EXOC4: variants seen among roughly 807,000 people sequenced by gnomAD.
EXOC4 encodes SEC8-like 1.
A neutral mutation model predicts 107.2 loss-of-function variants in EXOC4; 71 were observed. The observed-to-expected ratio is 0.66, with a 90% CI of 0.55 to 0.81. The LOEUF (loss-of-function observed/expected upper bound fraction) is 0.81, where lower values mean the gene tolerates loss of function less well. Ranked by LOEUF, EXOC4 falls within the 30% of genes least tolerant of loss-of-function variation. The pLI is 0.00. For synonymous variants in EXOC4, 456 were observed against 441.2 expected (o/e 1.03, Z -0.42); for missense variants, 1,108 against 1,189.6 (o/e 0.93, Z 1.01).
intron 10 of EXOC4, among the ~76,000 whole-genome samples, chr7:133,673,976 A>C (rs1300508339): frequency 1.3e-5 from 2 of 152,186 alleles, no homozygotes; most frequent in African/African-American, 4.8e-5. Flanking sequence ...AGCAGATGCT[A>C]GGGTTGTATG....
intron 10 of EXOC4, among the ~76,000 whole-genome samples, chr7:133,665,297 C>G (rs1793787346): frequency 1.3e-5 from 2 of 152,104 alleles, no homozygotes; most frequent in Non-Finnish European, 2.9e-5. Context: ...GATCAGTTAA[C>G]TTTTCCTATT....
chr7:133,573,136 G>T (rs1228156827), intron 9 of EXOC4, among the ~76,000 whole-genome samples: 1 of 152,156 alleles, frequency 6.6e-6, no homozygotes. Context: ...GTTAGATCTT[G>T]TGTATAGTTA....
At chr7:134,010,757 A>G (rs1794745039) in intron 17 of EXOC4, among the ~76,000 whole-genome samples, 1 of 152,208 alleles carries the variant, frequency 6.6e-6, no homozygotes, top group East Asian at 1.9e-4. Flanking sequence ...CTTATTTAAC[A>G]AGAAGTTGCA....
At chr7:133,361,277 A>T (rs1796130366) in intron 6 of EXOC4, among the ~76,000 whole-genome samples, 1 of 152,022 alleles carries the variant, frequency 6.6e-6, no homozygotes, top group Admixed American at 6.6e-5. Context: ...CTCTGTATTG[A>T]TTAAATTTTT....
intron 7 of EXOC4, among the ~76,000 whole-genome samples, chr7:133,455,578 T>C (rs1314567087): frequency 1.3e-5 from 2 of 152,222 alleles, no homozygotes; most frequent in Non-Finnish European, 2.9e-5. Flanking sequence ...AACCTGTTTA[T>C]TATAGAGAGT....
chr7:133,655,458 A>G (rs1349795538), intron 10 of EXOC4, among the ~76,000 whole-genome samples: 1 of 152,220 alleles, frequency 6.6e-6, no homozygotes. Context: ...TGATTCTTTC[A>G]TAATGACATT....
chr7:133,385,768 C>T (rs1344748142), intron 7 of EXOC4, among the ~76,000 whole-genome samples: 1 of 152,138 alleles, frequency 6.6e-6, no homozygotes, highest in Non-Finnish European at 1.5e-5. Flanking sequence ...CTTTCTTTTG[C>T]AATTTTTAAG....
At chr7:134,075,934 T>C in the EXOC4 span, among the ~76,000 whole-genome samples, 1 of 152,098 alleles carries the variant, frequency 6.6e-6, no homozygotes, top group Non-Finnish European at 1.5e-5. Flanking sequence ...AGTGGACATA[T>C]GAGGTAAGTA....
chr7:134,085,171 T>A, the EXOC4 span, among the ~76,000 whole-genome samples: 1 of 152,160 alleles, frequency 6.6e-6, no homozygotes, highest in African/African-American at 2.4e-5. Flanking sequence ...AATATTGAAG[T>A]ACAGACTCCT....
chr7:133,693,504 C>T (rs1475314014), intron 10 of EXOC4, among the ~76,000 whole-genome samples: 1 of 152,162 alleles, frequency 6.6e-6, no homozygotes, highest in African/African-American at 2.4e-5. Context: ...CACCCAGGAA[C>T]AATACTTTGC....
At chr7:133,330,828 G>A (rs1219735411) in intron 5 of EXOC4, among the ~76,000 whole-genome samples, 3 of 152,066 alleles carry the variant, frequency 2.0e-5, no homozygotes, top group Non-Finnish European at 4.4e-5. Context: ...ACCTCAGTTG[G>A]AAATGCAGAA....
chr7:133,708,743 G>A (rs1046419059), intron 10 of EXOC4, among the ~76,000 whole-genome samples: 65 of 152,310 alleles, frequency 4.3e-4, no homozygotes, highest in African/African-American at 1.5e-3. Flanking sequence ...GGTAATTGAT[G>A]TATACTTATT....
chr7:133,610,813 A>C (rs944317140), intron 9 of EXOC4, among the ~76,000 whole-genome samples: 1 of 145,562 alleles, frequency 6.9e-6, no homozygotes, highest in Non-Finnish European at 1.5e-5. Flanking sequence ...GTTCTTTTTT[A>C]CTTTTTTTTT....
intron 10 of EXOC4, among the ~76,000 whole-genome samples, chr7:133,763,866 T>C (rs1248750193): frequency 6.6e-6 from 1 of 152,134 alleles, no homozygotes; most frequent in Non-Finnish European, 1.5e-5. Flanking sequence ...ACTGGACATT[T>C]CTGCTTTTAG....
intron 10 of EXOC4, among the ~76,000 whole-genome samples, chr7:133,671,959 G>A (rs1326424593): frequency 1.3e-5 from 2 of 152,152 alleles, no homozygotes; most frequent in African/African-American, 4.8e-5. Context: ...GCTAGTTGAA[G>A]TACATGACAC....
At chr7:133,981,814 T>A (rs1793986856) in intron 14 of EXOC4, among the ~76,000 whole-genome samples, 1 of 152,184 alleles carries the variant, frequency 6.6e-6, no homozygotes, top group South Asian at 2.1e-4. Flanking sequence ...AAATGTTGAC[T>A]GCAGCACTGT....
intron 9 of EXOC4, among the ~76,000 whole-genome samples, chr7:133,567,311 G>T (rs755542498): frequency 6.6e-6 from 1 of 150,904 alleles, no homozygotes; most frequent in African/African-American, 2.4e-5. Flanking sequence ...TATGAACACT[G>T]TTCTGAACAT....
chr7:133,309,239 A>G (rs1212615377), intron 4 of EXOC4, among the ~76,000 whole-genome samples: 1 of 152,094 alleles, frequency 6.6e-6, no homozygotes, highest in East Asian at 1.9e-4. Flanking sequence ...TCTTCTTTTT[A>G]TACACTTAAA....
At chr7:133,658,504 C>A (rs1803355443) in intron 10 of EXOC4, among the ~76,000 whole-genome samples, 1 of 152,188 alleles carries the variant, frequency 6.6e-6, no homozygotes, top group African/African-American at 2.4e-5. Flanking sequence ...GTTGCCCATG[C>A]CCCAAAAGTA....
Sources: gnomAD v4.1 joint callset for allele counts (sites outside exome capture counted in the v4.1 genomes callset) on GRCh38, gnomAD v4.1.1 for gene constraint, MANE v1.5 for transcripts, NCBI Gene and HGNC (gene_info 2026-07-23, HGNC 2026-07-21) for gene names.